HS6ST1: variants seen among roughly 807,000 people sequenced by gnomAD.
HS6ST1 encodes the protein heparan sulfate 6-O-sulfotransferase 1, also known as heparan-sulfate 6-O-sulfotransferase 1.
Under a neutral mutation model 25.2 loss-of-function variants are expected in HS6ST1, and 3 were observed. The observed-to-expected ratio is 0.12, with a 90% CI of 0.05 to 0.31. The LOEUF (loss-of-function observed/expected upper bound fraction) is 0.31, where lower values mean the gene tolerates loss of function less well. Ranked by LOEUF, HS6ST1 falls within the 10% of genes least tolerant of loss-of-function variation. HS6ST1 has a pLI of 1.00. For missense variants in HS6ST1, 310 were observed against 609.6 expected (o/e 0.51, Z 5.18); for synonymous variants, 204 against 275.1 (o/e 0.74, Z 2.56).
chr2:128,274,821 T>TACAAAAATTAGCCGGGAGTGGTGG (rs1452499738), intron 1 of HS6ST1, among the ~76,000 whole-genome samples: 8 of 151,892 alleles, frequency 5.3e-5, no homozygotes, highest in Non-Finnish European at 7.4e-5. Context: ...CTACTAAAAA[T>TACAAAAATTAGCCGGGAGTGGTGG]ACAAAAATTA....
chr2:128,281,540 G>A (rs1693786469), intron 1 of HS6ST1, among the ~76,000 whole-genome samples: 1 of 152,220 alleles, frequency 6.6e-6, no homozygotes. Flanking sequence ...CGGAGCACCA[G>A]CAGTCACCTT....
chr2:128,316,345 CT>C (rs1402087617), intron 1 of HS6ST1, among the ~76,000 whole-genome samples: 1 of 152,238 alleles, frequency 6.6e-6, no homozygotes, highest in Non-Finnish European at 1.5e-5. Flanking sequence ...GGCTGCCGAG[CT>C]AAGTCCCTCT....
intron 1 of HS6ST1, among the ~76,000 whole-genome samples, chr2:128,269,922 G>T (rs1208093977): frequency 5.3e-5 from 8 of 152,140 alleles, no homozygotes; most frequent in Admixed American, 5.2e-4. Flanking sequence ...GGCATGGAGG[G>T]ACCCCGGGGA....
intron 1 of HS6ST1, among the ~76,000 whole-genome samples, chr2:128,310,609 G>A (rs1198039139): frequency 1.3e-5 from 2 of 152,142 alleles, no homozygotes; most frequent in African/African-American, 4.8e-5. Context: ...CACGGCTGGG[G>A]TAGGATGTGT....
chr2:128,297,884 G>T (rs1490347722), intron 1 of HS6ST1, among the ~76,000 whole-genome samples: 2 of 152,154 alleles, frequency 1.3e-5, no homozygotes, highest in East Asian at 1.9e-4. Context: ...TCAAAGGATA[G>T]TATCAACAGA....
chr2:128,295,998 C>A lies in HS6ST1; in HGVS notation c.527+22039G>T, dbSNP rs528214018. Among the ~76,000 whole-genome samples, 4 of 152,194 alleles carry A rather than the reference C, an allele frequency of 2.6e-5. No homozygotes were observed. In the South Asian group the frequency reaches 8.3e-4, roughly 32 times the overall value. ...AGGTAATTAGGTCATGAGGGTGGAG[C>A]CATAATGAATGGGACCAGTGGCTTC... On this transcript the variant is annotated intron_variant, in intron 1 of 1. Coordinates refer to ENST00000259241, the MANE Select transcript of HS6ST1 (RefSeq NM_004807.3).
intron 1 of HS6ST1, among the ~76,000 whole-genome samples, chr2:128,277,333 C>T (rs1693710822): frequency 6.6e-6 from 1 of 152,228 alleles, no homozygotes; most frequent in Non-Finnish European, 1.5e-5. Context: ...CATAGCAGAT[C>T]TCTGTGGACA....
In HS6ST1 at chr2:128,268,665, G is replaced by A. The variant is rs1457482949; in HGVS notation, c.733C>T (p.Leu245=). 4 of 1,611,156 alleles carry A rather than the reference G, an allele frequency of 2.5e-6. No homozygotes were observed. The highest frequency in any genetic ancestry group is 1.3e-5 in the African/African-American group (1 of 74,860). The change falls in exon 2 of 2, where the codon CTG becomes TTG. Residue 245 remains leucine, a synonymous_variant. Transcript: ENST00000259241. ...ATGCGCACCTGGCGGTTGTTGGCCA[G>A]GTTGTACGGGCAGTCCATGAACTCC... is the stretch of plus-strand genomic sequence containing the variant. ...LQEFMDCPYN[L]ANNRQVRMLA...
intron 1 of HS6ST1, among the ~76,000 whole-genome samples, chr2:128,290,817 CAAAAAA>C (rs57754041): frequency 3.3e-5 from 2 of 60,544 alleles, no homozygotes; most frequent in South Asian, 1.8e-3. Context: ...ACTAAAAATA[CAAAAAA>C]AAAAAAAAAA....
chr2:128,275,436 G>T (rs552562256), intron 1 of HS6ST1, among the ~76,000 whole-genome samples: 1 of 152,328 alleles, frequency 6.6e-6, no homozygotes, highest in Admixed American at 6.5e-5. Flanking sequence ...GTAAACACCG[G>T]AAGTATACTG....
chr2:128,311,978 C>T (rs1171639710), intron 1 of HS6ST1, among the ~76,000 whole-genome samples: 5 of 152,254 alleles, frequency 3.3e-5, no homozygotes, highest in Non-Finnish European at 5.9e-5. Context: ...GGCAGCCTTG[C>T]CAGCACTACC....
intron 1 of HS6ST1, among the ~76,000 whole-genome samples, chr2:128,293,116 G>A (rs2104925709): frequency 6.6e-6 from 1 of 152,326 alleles, no homozygotes. Flanking sequence ...CCTCCCCAAA[G>A]GCTGGGCCTT....
chr2:128,273,291 C>T (rs902413915), intron 1 of HS6ST1, among the ~76,000 whole-genome samples: 4 of 152,228 alleles, frequency 2.6e-5, no homozygotes, highest in Non-Finnish European at 4.4e-5. Flanking sequence ...AGAACATTGC[C>T]ATGCCCTGGG....
intron 1 of HS6ST1, among the ~76,000 whole-genome samples, chr2:128,280,893 T>A (rs965210225): frequency 1.4e-5 from 2 of 148,062 alleles, no homozygotes. Flanking sequence ...AGGCAGAGCC[T>A]GCAGCTGATG....
At chr2:128,279,571 CCACCATGAGGACAGAGGCCA>C (rs1693748024) in intron 1 of HS6ST1, among the ~76,000 whole-genome samples, 1 of 151,946 alleles carries the variant, frequency 6.6e-6, no homozygotes, top group Non-Finnish European at 1.5e-5. Flanking sequence ...ACCAGGGGTC[CCACCATGAGGACAGAGGCCA>C]CACCATGAAG....
rs532553589 is a variant in HS6ST1 at position 128,299,031 on chromosome 2, G to A, written c.527+19006C>T. Among the ~76,000 whole-genome samples, 153 of 152,200 alleles carry A rather than the reference G, an allele frequency of 1.0e-3. 1 individual carries two copies. Among genetic ancestry groups the A allele is most frequent in the Non-Finnish European group, 1.5e-3 (105 of 68,030 alleles). ...GTACTCCTCGGCTCTCGGAATGAGAGGACCAGAGGCCAAGGGCACCAGAAT... is the reference window on the plus strand; with the variant it reads ...GTACTCCTCGGCTCTCGGAATGAGAAGACCAGAGGCCAAGGGCACCAGAAT... On this transcript the variant is annotated intron_variant, in intron 1 of 1. Transcript: ENST00000259241.
intron 1 of HS6ST1, among the ~76,000 whole-genome samples, chr2:128,294,713 TGTGG>T (rs2104926804): frequency 7.8e-6 from 1 of 128,230 alleles, no homozygotes; most frequent in Non-Finnish European, 1.7e-5. Flanking sequence ...TGTGTGTGTG[TGTGG>T]AGGGGGAGAC....
intron 1 of HS6ST1, among the ~76,000 whole-genome samples, chr2:128,307,424 C>T (rs1694229802): frequency 6.6e-6 from 1 of 152,196 alleles, no homozygotes; most frequent in South Asian, 2.1e-4. Flanking sequence ...ATGGGATGTA[C>T]CTGGGCCAGC....
chr2:128,301,239 C>G (rs1694120962), intron 1 of HS6ST1, among the ~76,000 whole-genome samples: 1 of 151,592 alleles, frequency 6.6e-6, no homozygotes. Flanking sequence ...GTAGCTCTAG[C>G]CACCCCTCTG....
Sources: gnomAD v4.1 joint callset for allele counts (sites outside exome capture counted in the v4.1 genomes callset) on GRCh38, gnomAD v4.1.1 for gene constraint, MANE v1.5 for transcripts, NCBI Gene and HGNC (gene_info 2026-07-23, HGNC 2026-07-21) for gene names.